The following ZFYVE16 variants were observed in gnomAD, a reference collection of about 807,000 sequenced individuals.
ZFYVE16 encodes the protein zinc finger FYVE domain-containing protein 16.
Under a neutral mutation model 138.1 loss-of-function variants are expected in ZFYVE16, and 89 were observed. That is an observed-to-expected ratio of 0.64 (90% CI 0.54 to 0.77). ZFYVE16 has a LOEUF of 0.77. Ranked by LOEUF, ZFYVE16 falls within the 30% of genes least tolerant of loss-of-function variation. The pLI is 0.00. For missense variants in ZFYVE16, 1,793 were observed against 1,786.7 expected (o/e 1.00, Z -0.06); for synonymous variants, 596 against 618.3 (o/e 0.96, Z 0.53).
At chr5:80,460,547 G>A (rs1448887632) in intron 15 of ZFYVE16, among the ~76,000 whole-genome samples, 1 of 152,086 alleles carries the variant, frequency 6.6e-6, no homozygotes, top group Non-Finnish European at 1.5e-5. Context: ...TCACACTTAA[G>A]TCCCTAATTT....
At chr5:80,432,012 A>C (rs562365687) in intron 2 of ZFYVE16, among the ~76,000 whole-genome samples, 15 of 152,338 alleles carry the variant, frequency 9.8e-5, no homozygotes, top group Non-Finnish European at 1.8e-4. Context: ...ATACTGCCCA[A>C]GGTAATTTAT....
At chr5:80,414,755 T>G (rs1221667691) in intron 1 of ZFYVE16, among the ~76,000 whole-genome samples, 1 of 152,138 alleles carries the variant, frequency 6.6e-6, no homozygotes, top group Non-Finnish European at 1.5e-5. Context: ...ATAAATAAAT[T>G]ATACAAAACA....
chr5:80,454,160 A>G (rs940282950), intron 11 of ZFYVE16: 3 of 152,226 alleles, frequency 2.0e-5, no homozygotes, highest in Non-Finnish European at 2.9e-5. Flanking sequence ...TGTTTGTACT[A>G]GCAAGAAAAT....
chr5:80,428,831 C>T (rs1032392566), intron 2 of ZFYVE16, among the ~76,000 whole-genome samples: 6 of 152,010 alleles, frequency 3.9e-5, no homozygotes, highest in Non-Finnish European at 7.4e-5. Context: ...GTAGCCGATT[C>T]GATCAACTGG....
rs184709058 is a variant in ZFYVE16 at position 80,467,121 on chromosome 5, A to G, written c.4025-5640A>G. ...ACTCTAAGCTTACCCAGTGGGAAAA[A>G]TCTTTTCTCAGGGAGTGTTTGTCGA... is the stretch of plus-strand genomic sequence containing the variant. On this transcript the variant is annotated intron_variant, in intron 15 of 18. Transcript: ENST00000505560. 3.2e-4 allele frequency among the ~76,000 whole-genome samples: 49 copies of G among 152,350 alleles called. 1 individual carries two copies. The highest frequency in any genetic ancestry group is 2.6e-3 in the Admixed American group (40 of 15,296).
chr5:80,471,889 C>T (rs925369536), intron 15 of ZFYVE16, among the ~76,000 whole-genome samples: 1 of 152,164 alleles, frequency 6.6e-6, no homozygotes, highest in African/African-American at 2.4e-5. Flanking sequence ...CCGGTCCACA[C>T]TAATTTGACA....
rs773031847 is a variant in ZFYVE16, at chr5:80,449,594, C to T, written c.3107C>T (p.Pro1036Leu). 2.3e-5 allele frequency: 37 copies of T among 1,605,798 alleles called. No homozygotes were observed. The highest frequency in any genetic ancestry group is 3.0e-5 in the Non-Finnish European group (35 of 1,177,160). The change falls in exon 9 of 19, where the codon CCT becomes CTT. Residue 1036 changes from proline (P) to leucine (L), a missense_variant. Physicochemically the swap from Pro to Leu is moderately conservative, Grantham distance 98. This residue lies in a region of ZFYVE16 where 1,295 missense variants were observed against 1,204.3 expected (regional missense o/e 1.08). Coordinates refer to ENST00000505560, the MANE Select transcript of ZFYVE16 (RefSeq NM_001284236.3). ...ATATATTACTTTCATCATTTAGTGCCTGTAGTAGAAGAACATCCATCTCAT... is the reference window on the plus strand; with the variant it reads ...ATATATTACTTTCATCATTTAGTGCTTGTAGTAGAAGAACATCCATCTCAT... ...LVASGEKGSV[P>L]VVEEHPSHEQ... is the part of the protein sequence containing the mutation.
At chr5:80,455,358 AC>A (rs760825397) in intron 11 of ZFYVE16, 1 of 260,604 alleles carries the variant, frequency 3.8e-6, no homozygotes, top group Non-Finnish European at 7.4e-6. Context: ...ACATGGTGAA[AC>A]CCTGTCTCTA....
rs537853666 is a variant in ZFYVE16, at chr5:80,482,109, G to C, written c.*4732G>C. ...GTGCTGGGATTACAGGCATAAGCCA[G>C]CACACCTGGCCGTTAAACTAGTTAT... On this transcript the variant is annotated 3_prime_UTR_variant, in exon 19 of 19. Coordinates refer to ENST00000505560, the MANE Select transcript of ZFYVE16 (RefSeq NM_001284236.3). Among the ~76,000 whole-genome samples the C allele has an allele frequency of 8.5e-5, 13 of 152,284 alleles. No homozygotes were observed. The highest frequency in any genetic ancestry group is 3.1e-4 in the African/African-American group (13 of 41,554).
intron 1 of ZFYVE16, among the ~76,000 whole-genome samples, chr5:80,413,858 C>T (rs1345831084): frequency 6.6e-6 from 1 of 152,078 alleles, no homozygotes; most frequent in Admixed American, 6.6e-5. Flanking sequence ...CATCCTAATG[C>T]GATTTGAAGT....
chr5:80,437,966 A>G lies in ZFYVE16; in HGVS notation c.1281A>G (p.Pro427=), dbSNP rs1750179979. 6.2e-7 allele frequency: 1 copy of G among 1,614,062 alleles called. No individual in the cohort carries two copies. The highest frequency in any genetic ancestry group is 1.1e-5 in the South Asian group (1 of 91,082). The change falls in exon 4 of 19, where the codon CCA becomes CCG. Residue 427 remains proline, a synonymous_variant. Transcript: ENST00000505560. ...IQNSVVLGGE[P]FKENDLLKQE... is the part of the protein sequence containing the mutation. The stretch of plus-strand genomic sequence containing the variant: ...ACAGTGTTGTTCTAGGTGGGGAACC[A>G]TTCAAAGAGAATGATCTTTTGAAAC...
chr5:80,423,032 G>T (rs1246281100), intron 1 of ZFYVE16, among the ~76,000 whole-genome samples: 1 of 152,040 alleles, frequency 6.6e-6, no homozygotes, highest in Admixed American at 6.6e-5. Flanking sequence ...GATAATGCTG[G>T]TCTTATAGTA....
At chr5:80,448,897 A>G (rs1424683139) in intron 8 of ZFYVE16, among the ~76,000 whole-genome samples, 1 of 152,076 alleles carries the variant, frequency 6.6e-6, no homozygotes, top group Non-Finnish European at 1.5e-5. Flanking sequence ...AGGAGATTCT[A>G]TGGCTAACCC....
rs796773456 is a variant in ZFYVE16, at chr5:80,479,047, A to G, written c.*1670A>G. 6.6e-5 allele frequency: 10 copies of G among 152,308 alleles called. No homozygotes were observed. The highest frequency in any genetic ancestry group is 2.2e-4 in the African/African-American group (9 of 41,584). The allele number at this position is 152,308 out of a possible 1,614,324, so 9.4% of individuals were successfully genotyped here. ...TAACCAAATGGTAGAGGGCTGTTCC[A>G]TGATGGGACAGCTTTGGATTTGTTT... On this transcript the variant is annotated 3_prime_UTR_variant, in exon 19 of 19. Transcript: ENST00000505560.
At chr5:80,429,150 T>C (rs1340620719) in intron 2 of ZFYVE16, among the ~76,000 whole-genome samples, 1 of 152,026 alleles carries the variant, frequency 6.6e-6, no homozygotes, top group Non-Finnish European at 1.5e-5. Context: ...AGACACATAA[T>C]TGTCAGATTC....
intron 1 of ZFYVE16, among the ~76,000 whole-genome samples, chr5:80,422,463 G>GTTTTT (rs955132662): frequency 1.3e-5 from 2 of 151,934 alleles, no homozygotes; most frequent in Non-Finnish European, 2.9e-5. Context: ...GTTTTGTTTT[G>GTTTTT]TTTTTGAGAC....
At chr5:80,421,714 G>A (rs570688744) in intron 1 of ZFYVE16, among the ~76,000 whole-genome samples, 1 of 152,302 alleles carries the variant, frequency 6.6e-6, no homozygotes, top group African/African-American at 2.4e-5. Context: ...AGTATAGTTT[G>A]AAGTCAGGTA....
chr5:80,449,429 T>C (rs1480771664), intron 8 of ZFYVE16, among the ~76,000 whole-genome samples, 162 bp from the exon 9 acceptor site: 1 of 152,204 alleles, frequency 6.6e-6, no homozygotes, highest in Non-Finnish European at 1.5e-5. Flanking sequence ...AGGTAAAAAT[T>C]AGTATATAAC....
intron 1 of ZFYVE16, chr5:80,410,476 C>G (rs1407955560): frequency 6.6e-6 from 1 of 152,158 alleles, no homozygotes; most frequent in East Asian, 1.9e-4. Flanking sequence ...TACTAGTTGT[C>G]TGTTGATGTT....
Sources: gnomAD v4.1 joint callset for allele counts (sites outside exome capture counted in the v4.1 genomes callset) on GRCh38, gnomAD v4.1.1 for gene constraint, gnomAD v4.1.1 regional missense constraint, MANE v1.5 for transcripts, NCBI Gene and HGNC (gene_info 2026-07-23, HGNC 2026-07-21) for gene names.